RGS3: variants seen among roughly 807,000 people sequenced by gnomAD.
The protein encoded by RGS3 is regulator of G-protein signalling 3.
Under a neutral mutation model 132.6 loss-of-function variants are expected in RGS3, and 80 were observed. The observed-to-expected ratio is 0.60, with a 90% CI of 0.50 to 0.73. The LOEUF is 0.73. Among genes scored for constraint, RGS3 ranks in the 30% least tolerant of loss-of-function variants. The pLI, the probability that RGS3 is intolerant of heterozygous loss-of-function variation, is 0.00. For synonymous variants in RGS3, 598 were observed against 620.6 expected (o/e 0.96, Z 0.54); for missense variants, 1,382 against 1,530.8 (o/e 0.90, Z 1.62).
chr9:113,497,667 G>A (rs1334758357), intron 9 of RGS3, among the ~76,000 whole-genome samples: 1 of 152,128 alleles, frequency 6.6e-6, no homozygotes, highest in African/African-American at 2.4e-5. Flanking sequence ...TCCCTTGTGG[G>A]GTACTTTATG....
intron 19 of RGS3, among the ~76,000 whole-genome samples, chr9:113,564,668 G>A (rs1448228724): frequency 6.6e-6 from 1 of 152,322 alleles, no homozygotes; most frequent in East Asian, 1.9e-4. Flanking sequence ...TACTGTAACA[G>A]GATGTTACAG....
chr9:113,537,500 G>A lies in RGS3; in HGVS notation c.2037+582G>A, dbSNP rs1346640067. Among the ~76,000 whole-genome samples, 1 of 152,212 alleles carries A rather than the reference G, an allele frequency of 6.6e-6. No homozygotes were observed. The highest frequency in any genetic ancestry group is 1.5e-5 in the Non-Finnish European group (1 of 68,028). On this transcript the variant is annotated intron_variant, in intron 19 of 24. Coordinates refer to ENST00000350696, the Ensembl canonical transcript of RGS3. This position sits in a 1 kb window ranked among gnomAD's most constrained non-coding sequence, Gnocchi z 4.3. The stretch of plus-strand genomic sequence containing the variant: ...CTGCTCAGCCCATCCAGTGCCTGGG[G>A]AGAGGGGATGGGATAGGAGCTGGAC...
At chr9:113,582,066 T>C in intron 19 of RGS3, 1 of 985,348 alleles carries the variant, frequency 1.0e-6, no homozygotes, top group African/African-American at 1.7e-5. Flanking sequence ...ACATCTGTGC[T>C]CCCAGATGCC....
rs1055771940 is a variant in RGS3, at chr9:113,463,386, C to T, written c.415+1185C>T. ...TGAGCTTCAAAGCAGGTTATAAACC[C>T]GACTAATTGCTGGTCTAGGAGAGCT... is the stretch of plus-strand genomic sequence containing the variant. On this transcript the variant is annotated intron_variant, in intron 3 of 24. Transcript: ENST00000350696. The surrounding 1 kb of genome is among the most constrained non-coding windows in gnomAD (Gnocchi z 4.6). Among the ~76,000 whole-genome samples, 1 of 152,202 alleles carries T rather than the reference C, an allele frequency of 6.6e-6. No individual in the cohort carries two copies. The highest frequency in any genetic ancestry group is 1.5e-5 in the Non-Finnish European group (1 of 68,042).
intron 7 of RGS3, among the ~76,000 whole-genome samples, chr9:113,491,021 TTA>T (rs1830500168): frequency 7.4e-6 from 1 of 134,444 alleles, no homozygotes; most frequent in Non-Finnish European, 1.5e-5. Context: ...AACGTAATTA[TTA>T]TATATTGGTA....
At chr9:113,496,218 C>T (rs1830679453) in intron 8 of RGS3, among the ~76,000 whole-genome samples, 1 of 152,200 alleles carries the variant, frequency 6.6e-6, no homozygotes, top group Non-Finnish European at 1.5e-5. Context: ...GGGTCCTCTT[C>T]ATGTGTCTAC....
At chr9:113,568,316 A>G (rs1473625349) in intron 19 of RGS3, among the ~76,000 whole-genome samples, 2 of 152,210 alleles carry the variant, frequency 1.3e-5, no homozygotes, top group South Asian at 2.1e-4. Context: ...GAGCCCTGCT[A>G]TCCTCTGGGA....
At chr9:113,478,097 T>G (rs1463022713) in intron 3 of RGS3, among the ~76,000 whole-genome samples, 1 of 152,178 alleles carries the variant, frequency 6.6e-6, no homozygotes, top group African/African-American at 2.4e-5. Flanking sequence ...TTTTCTTTTT[T>G]TAAAAAATTT....
At chr9:113,482,188 G>A (rs947988546) in intron 4 of RGS3, among the ~76,000 whole-genome samples, 1 of 151,922 alleles carries the variant, frequency 6.6e-6, no homozygotes, top group African/African-American at 2.4e-5. Flanking sequence ...GCCTACTCTT[G>A]TGACCACACC....
At chr9:113,550,545 C>T (rs531947248) in intron 19 of RGS3, among the ~76,000 whole-genome samples, 1 of 152,294 alleles carries the variant, frequency 6.6e-6, no homozygotes, top group African/African-American at 2.4e-5. Flanking sequence ...TTGACTAGCT[C>T]ATCCTACTTT....
chr9:113,455,779 A>G (rs569181445), upstream of RGS3, among the ~76,000 whole-genome samples: 1 of 152,348 alleles, frequency 6.6e-6, no homozygotes, highest in Non-Finnish European at 1.5e-5. Context: ...GATGAATTAC[A>G]GAGACACTTT....
At chr9:113,568,548 G>C (rs1834112164) in intron 19 of RGS3, among the ~76,000 whole-genome samples, 1 of 152,198 alleles carries the variant, frequency 6.6e-6, no homozygotes, top group Non-Finnish European at 1.5e-5. Flanking sequence ...GCTTCCAAAA[G>C]TCAATGGTCA....
chr9:113,480,600 C>T (rs1002266116), intron 4 of RGS3, among the ~76,000 whole-genome samples: 13 of 152,176 alleles, frequency 8.5e-5, no homozygotes, highest in East Asian at 3.9e-4. Context: ...GAAGACTTGG[C>T]GGAGGGGGTG....
chr9:113,471,434 G>T (rs1321445574), intron 3 of RGS3, among the ~76,000 whole-genome samples: 3 of 152,114 alleles, frequency 2.0e-5, no homozygotes, highest in African/African-American at 7.2e-5. Flanking sequence ...CTGCCTGGTA[G>T]CTCCTCTCTC....
At chr9:113,570,932 G>T (rs972801582) in intron 19 of RGS3, among the ~76,000 whole-genome samples, 1 of 152,100 alleles carries the variant, frequency 6.6e-6, no homozygotes, top group East Asian at 1.9e-4. Flanking sequence ...CACTGCACCC[G>T]GCCCTTGTCC....
exon 20 of RGS3, chr9:113,583,552 C>A: frequency 6.2e-7 from 1 of 1,614,198 alleles, no homozygotes; most frequent in Non-Finnish European, 8.5e-7. Context: ...CTCTCCTGGC[C>A]AGGAGCTTCC....
At chr9:113,523,934 G>A (rs376392337) in intron 17 of RGS3, among the ~76,000 whole-genome samples, 292 of 152,268 alleles carry the variant, frequency 1.9e-3, no homozygotes, top group African/African-American at 6.7e-3. Flanking sequence ...TATGAGAACC[G>A]CCACTCTCAC....
At chr9:113,474,779 C>T (rs1201944174) in intron 3 of RGS3, among the ~76,000 whole-genome samples, 1 of 152,224 alleles carries the variant, frequency 6.6e-6, no homozygotes, top group Non-Finnish European at 1.5e-5. Context: ...CCTGCTGCTT[C>T]ATGCTAGCCA....
In RGS3 at chr9:113,507,555, C is replaced by T; in HGVS notation, c.1354C>T (p.His452Tyr). ...CGAGGTGGCCAAGCGCGGGGGCCAG[C>T]ACACCCTGCCTGCACTGTCCCGTGC... Residue 452 changes from histidine (H) to tyrosine (Y), a missense_variant, in exon 13 of 25, where the codon CAC (histidine) becomes TAC (tyrosine). Coordinates refer to ENST00000350696, the Ensembl canonical transcript of RGS3. This position sits in a 1 kb window ranked among gnomAD's most constrained non-coding sequence, Gnocchi z 5.0. 6.3e-7 allele frequency: 1 copy of T among 1,584,330 alleles called. No homozygotes were observed. The highest frequency in any genetic ancestry group is 8.6e-7 in the Non-Finnish European group (1 of 1,164,558).
Sources: gnomAD v4.1 joint callset for allele counts (sites outside exome capture counted in the v4.1 genomes callset) on GRCh38, gnomAD v4.1.1 for gene constraint, Gnocchi (gnomAD v3.1) non-coding constraint, MANE v1.5 for transcripts, NCBI Gene and HGNC (gene_info 2026-07-23, HGNC 2026-07-21) for gene names.